GRXCR1: variants seen among roughly 807,000 people sequenced by gnomAD.
The protein encoded by GRXCR1 is glutaredoxin domain-containing cysteine-rich protein 1.
Under a neutral mutation model 27.3 loss-of-function variants are expected in GRXCR1, and 27 were observed. The ratio of observed to expected loss-of-function variants is 0.99; its 90% CI spans 0.73 to 1.37. The LOEUF is 1.37. Ranked by LOEUF, GRXCR1 falls within the 40% of genes most tolerant of loss-of-function variation. The pLI is 0.00. For missense variants in GRXCR1, 379 were observed against 354.4 expected, an observed-to-expected ratio of 1.07 and a Z score of -0.56; for synonymous variants, 122 against 131.1, an observed-to-expected ratio of 0.93 and a Z score of 0.47.
intron 2 of GRXCR1, among the ~76,000 whole-genome samples, chr4:43,000,801 T>C (rs891379048): frequency 2.0e-5 from 3 of 152,092 alleles, no homozygotes; most frequent in African/African-American, 7.2e-5. Flanking sequence ...CCTACTCTGA[T>C]TGTGTCATTA....
At chr4:43,020,507 C>A (rs906351079) in intron 3 of GRXCR1, 88 bp downstream of exon 3, 1 of 843,076 alleles carries the variant, frequency 1.2e-6, no homozygotes. Flanking sequence ...TGAATTCTCT[C>A]TCCCCATGTT....
intron 2 of GRXCR1, among the ~76,000 whole-genome samples, chr4:42,997,615 C>T (rs909024246): frequency 6.6e-6 from 1 of 152,312 alleles, no homozygotes; most frequent in Non-Finnish European, 1.5e-5. Flanking sequence ...CTCCTCCCCA[C>T]AGTCACCTCC....
At chr4:42,902,562 C>A (rs1473860222) in intron 1 of GRXCR1, among the ~76,000 whole-genome samples, 1 of 152,124 alleles carries the variant, frequency 6.6e-6, no homozygotes, top group Non-Finnish European at 1.5e-5. Flanking sequence ...CATGTCTTTG[C>A]TATTGTGAAT....
chr4:43,004,492 T>C (rs1276705463), intron 2 of GRXCR1, among the ~76,000 whole-genome samples: 3 of 152,138 alleles, frequency 2.0e-5, no homozygotes, highest in Non-Finnish European at 2.9e-5. Context: ...ATCATGCACC[T>C]GGAAAAACCA....
rs147111710 is a variant in GRXCR1, at chr4:42,939,857, C to A, written c.385-23035C>A. On this transcript the variant is annotated intron_variant, in intron 1 of 3. Coordinates refer to ENST00000399770, the MANE Select transcript of GRXCR1 (RefSeq NM_001080476.3). Reference sequence around the variant, plus strand: ...TTGCCCAGGGGTATATCCTCCTCCACCACTGCCATCTACTCCATTCTCCAT... The same window carrying A: ...TTGCCCAGGGGTATATCCTCCTCCAACACTGCCATCTACTCCATTCTCCAT... Among the ~76,000 whole-genome samples the A allele has an allele frequency of 4.6e-5, 7 of 152,154 alleles. No individual in the cohort carries two copies. In the East Asian group the frequency reaches 1.4e-3, roughly 30 times the overall value.
intron 1 of GRXCR1, among the ~76,000 whole-genome samples, chr4:42,945,671 C>T (rs1053852146): frequency 6.6e-6 from 1 of 152,084 alleles, no homozygotes; most frequent in African/African-American, 2.4e-5. Flanking sequence ...ACAGTGAGTG[C>T]TACCAGGTGG....
At chr4:42,955,934 G>A (rs910210614) in intron 1 of GRXCR1, among the ~76,000 whole-genome samples, 3 of 152,028 alleles carry the variant, frequency 2.0e-5, no homozygotes, top group African/African-American at 7.2e-5. Flanking sequence ...CTTCTGTGGG[G>A]GATGGGTGGA....
chr4:42,960,776 C>T (rs975491035), intron 1 of GRXCR1, among the ~76,000 whole-genome samples: 1 of 151,770 alleles, frequency 6.6e-6, no homozygotes, highest in South Asian at 2.1e-4. Context: ...CCCAAAGATA[C>T]ACAGGTGGCC....
intron 1 of GRXCR1, among the ~76,000 whole-genome samples, chr4:42,923,240 C>T (rs1747064046): frequency 6.6e-6 from 1 of 152,146 alleles, no homozygotes; most frequent in African/African-American, 2.4e-5. Flanking sequence ...CCCTTACCTT[C>T]TGCTCATGTA....
At chr4:42,934,430 CTCT>C (rs1264818996) in intron 1 of GRXCR1, among the ~76,000 whole-genome samples, 1 of 151,760 alleles carries the variant, frequency 6.6e-6, no homozygotes, top group Non-Finnish European at 1.5e-5. Context: ...GAGTTTCTCT[CTCT>C]TCTTTTATGC....
chr4:43,002,429 G>A (rs958438272), intron 2 of GRXCR1, among the ~76,000 whole-genome samples: 3 of 152,152 alleles, frequency 2.0e-5, no homozygotes, highest in Non-Finnish European at 4.4e-5. Context: ...AAGAAGGCAC[G>A]TCCTGCACAG....
At chr4:43,000,694 C>T (rs1017319276) in intron 2 of GRXCR1, among the ~76,000 whole-genome samples, 1 of 151,150 alleles carries the variant, frequency 6.6e-6, no homozygotes, top group Non-Finnish European at 1.5e-5. Context: ...CAGAGAAAAC[C>T]TCAGTATATA....
rs146876850 is a variant in GRXCR1 at position 42,925,915 on chromosome 4, G to C, written c.384+32265G>C. ...ATGAGTGAGAACTTTAGTGTAGAAG[G>C]AGTTTGGGTGGGGGAAGTTCAGATA... On this transcript the variant is annotated intron_variant, in intron 1 of 3. Coordinates refer to ENST00000399770, the MANE Select transcript of GRXCR1 (RefSeq NM_001080476.3). 2.8e-4 allele frequency among the ~76,000 whole-genome samples: 42 copies of C among 152,100 alleles called. No homozygotes were observed. The East Asian group carries it at 8.0e-3, about 29-fold the overall frequency.
At chr4:42,939,949 A>G (rs1411357923) in intron 1 of GRXCR1, among the ~76,000 whole-genome samples, 2 of 151,868 alleles carry the variant, frequency 1.3e-5, no homozygotes, top group Non-Finnish European at 2.9e-5. Context: ...AGACAGAAGT[A>G]TTAGAAGGGC....
At chr4:42,933,972 T>A (rs1747395562) in intron 1 of GRXCR1, among the ~76,000 whole-genome samples, 1 of 151,838 alleles carries the variant, frequency 6.6e-6, no homozygotes. Context: ...GTGAGATGAA[T>A]CAAGGGGAGA....
chr4:42,973,185 T>A (rs1183422638), intron 2 of GRXCR1, among the ~76,000 whole-genome samples: 1 of 152,140 alleles, frequency 6.6e-6, no homozygotes, highest in African/African-American at 2.4e-5. Flanking sequence ...TGCAAACCCC[T>A]CCAGTTGTTT....
At chr4:42,969,177 G>A (rs1001493780) in intron 2 of GRXCR1, among the ~76,000 whole-genome samples, 2 of 152,108 alleles carry the variant, frequency 1.3e-5, no homozygotes, top group East Asian at 1.9e-4. Context: ...TTAACAGAAA[G>A]TTAAGTGCTT....
chr4:42,902,089 A>G (rs1191858670), intron 1 of GRXCR1, among the ~76,000 whole-genome samples: 1 of 152,148 alleles, frequency 6.6e-6, no homozygotes, highest in Non-Finnish European at 1.5e-5. Flanking sequence ...CTGGTCTTGA[A>G]TCTAGTTGTA....
chr4:42,921,943 T>C lies in GRXCR1; in HGVS notation c.384+28293T>C, dbSNP rs527289912. 7.9e-5 allele frequency among the ~76,000 whole-genome samples: 12 copies of C among 152,178 alleles called. No individual in the cohort carries two copies. The South Asian group carries it at 2.5e-3, about 32-fold the overall frequency. ...GTGTTGCAGGAAGGAGAAAAGCGAT[T>C]GGAAGTGACAGTGTTTCTTGTTTAT... On this transcript the variant is annotated intron_variant, in intron 1 of 3. Transcript: ENST00000399770.
Sources: allele counts gnomAD v4.1 joint callset (sites outside exome capture counted in the v4.1 genomes callset), GRCh38; gene constraint gnomAD v4.1.1; transcripts MANE v1.5; gene names NCBI Gene and HGNC (gene_info 2026-07-23, HGNC 2026-07-21).